UNC79: variants seen among roughly 807,000 people sequenced by gnomAD.
UNC79 encodes the protein protein unc-79 homolog.
UNC79 carries 37 observed loss-of-function variants against 283.1 expected under a neutral mutation model. That is an observed-to-expected ratio of 0.13 (90% CI 0.10 to 0.17). The LOEUF (loss-of-function observed/expected upper bound fraction) is 0.17. Ranked by LOEUF, UNC79 falls within the 10% of genes least tolerant of loss-of-function variation. The pLI is 1.00. For synonymous variants in UNC79, 1,107 were observed against 1,200.2 expected (o/e 0.92, Z 1.61); for missense variants, 2,272 against 3,211.1 (o/e 0.71, Z 7.07).
At chr14:93,683,069 T>C (rs2073964216) in intron 42 of UNC79, among the ~76,000 whole-genome samples, 1 of 152,210 alleles carries the variant, frequency 6.6e-6, no homozygotes, top group African/African-American at 2.4e-5. Context: ...TGTGCTTAAA[T>C]CTTTGTCCAT....
chr14:93,637,220 G>C, exon 32 of UNC79: 2 of 1,213,784 alleles, frequency 1.6e-6, no homozygotes, highest in Non-Finnish European at 2.5e-6. Context: ...CCACAGAACA[G>C]ATACAGCCTG....
chr14:93,643,016 A>G (rs1174659595), intron 33 of UNC79, among the ~76,000 whole-genome samples: 2 of 152,278 alleles, frequency 1.3e-5, no homozygotes, highest in South Asian at 2.1e-4. Flanking sequence ...TGAGTTCATA[A>G]AACTCATCTG....
chr14:93,467,882 T>G, intron 2 of UNC79, 91 bp downstream of exon 2: 1 of 1,367,700 alleles, frequency 7.3e-7, no homozygotes, highest in Non-Finnish European at 9.5e-7. Context: ...ATTGCAAGTT[T>G]TAAAGGGCCT....
chr14:93,706,780 C>T (rs754676065), exon 49 of UNC79: 33 of 1,614,108 alleles, frequency 2.0e-5, no homozygotes, highest in Admixed American at 3.3e-5. Flanking sequence ...AGGACGCTGC[C>T]GGGCTCGGGC....
intron 1 of UNC79, among the ~76,000 whole-genome samples, chr14:93,349,163 T>A (rs942555411): frequency 6.6e-6 from 1 of 152,062 alleles, no homozygotes; most frequent in African/African-American, 2.4e-5. Flanking sequence ...CTTTAACAAC[T>A]GTAACACTCA....
At chr14:93,399,652 G>A (rs943586313) in intron 1 of UNC79, among the ~76,000 whole-genome samples, 7 of 152,244 alleles carry the variant, frequency 4.6e-5, no homozygotes, top group Admixed American at 2.0e-4. Flanking sequence ...TTTGGAGGTT[G>A]CCATCAATAA....
rs147911481 is a variant in UNC79, at chr14:93,494,831, G to T, written c.713-1580G>T. On this transcript the variant is annotated intron_variant, in intron 5 of 48. Transcript: ENST00000555664. ...GCTTTAAAGTATAAACACATTGGTT[G>T]TTTACTTAATAGGAAGTCCTGAAGA... Among the ~76,000 whole-genome samples the T allele has an allele frequency of 3.0e-3, 454 of 152,284 alleles. 4 individuals carry two copies. Among genetic ancestry groups the T allele is most frequent in the African/African-American group, 0.01 (432 of 41,562 alleles).
chr14:93,550,968 G>A (rs1238822670), intron 14 of UNC79, among the ~76,000 whole-genome samples: 1 of 152,162 alleles, frequency 6.6e-6, no homozygotes, highest in African/African-American at 2.4e-5. Context: ...GGCAGACAGT[G>A]GAGGCACAAG....
In UNC79 at chr14:93,703,878, C is replaced by T. The variant is rs77341333; in HGVS notation, c.7549-747C>T. ...TTTGAGGAATGCCATATTCTGTCTC[C>T]GACTTCTGGATGCACAAGGCCATGA... On this transcript the variant is annotated intron_variant, in intron 47 of 48. Coordinates refer to ENST00000555664, the Ensembl canonical transcript of UNC79. Among the ~76,000 whole-genome samples the T allele has an allele frequency of 3.6e-4, 55 of 152,268 alleles. No homozygotes were observed. In the East Asian group the frequency reaches 0.01, roughly 28 times the overall value.
intron 31 of UNC79, among the ~76,000 whole-genome samples, chr14:93,635,469 T>C (rs1302405282): frequency 1.3e-5 from 2 of 152,246 alleles, no homozygotes; most frequent in Admixed American, 1.3e-4. Context: ...TTTAGTATCG[T>C]GATTAATACT....
intron 4 of UNC79, among the ~76,000 whole-genome samples, chr14:93,479,716 C>T (rs996323183): frequency 6.6e-6 from 1 of 152,138 alleles, no homozygotes; most frequent in Non-Finnish European, 1.5e-5. Context: ...CTCACTGCAG[C>T]CTCAAACTCC....
chr14:93,528,759 T>G (rs867871899), intron 9 of UNC79, 113 bp downstream of exon 9: 1 of 980,224 alleles, frequency 1.0e-6, no homozygotes, highest in African/African-American at 1.6e-5. Flanking sequence ...GCCTCTCTGA[T>G]TTTTAAAGGT....
At chr14:93,587,997 C>G (rs1248935638) in intron 22 of UNC79, among the ~76,000 whole-genome samples, 1 of 152,078 alleles carries the variant, frequency 6.6e-6, no homozygotes, top group Non-Finnish European at 1.5e-5. Flanking sequence ...CTGGGAATGT[C>G]AGGAGGAAAC....
chr14:93,347,312 G>A (rs930481309), intron 1 of UNC79: 2 of 1,605,382 alleles, frequency 1.2e-6, no homozygotes, highest in Non-Finnish European at 8.5e-7. Context: ...CGCCACTACC[G>A]CCGCTTGGCC....
chr14:93,618,394 A>G lies in UNC79; in HGVS notation c.4387+40A>G, dbSNP rs751585705. 2.3e-5 allele frequency: 36 copies of G among 1,537,302 alleles called. No individual in the cohort carries two copies. In the South Asian group the frequency reaches 2.5e-4, roughly 11 times the overall value. On this transcript the variant is annotated intron_variant, in intron 29 of 48. Coordinates refer to ENST00000555664, the Ensembl canonical transcript of UNC79. ...TCTATCCCAAACCTAGCTTCAATAC[A>G]TAATAGATTTCTGGACAATGTTTTC...
chr14:93,337,581 G>A (rs1446499775), intron 1 of UNC79, among the ~76,000 whole-genome samples: 1 of 152,220 alleles, frequency 6.6e-6, no homozygotes, highest in Non-Finnish European at 1.5e-5. Context: ...CACCTCACAT[G>A]ATAGGAAGCA....
At chr14:93,506,224 AT>A (rs774515757) in intron 7 of UNC79, among the ~76,000 whole-genome samples, 1,610 of 141,546 alleles carry the variant, frequency 0.011, 22 homozygotes, top group African/African-American at 0.029. Flanking sequence ...ATTGTATACA[AT>A]TTTTTTTTTT....
At chr14:93,446,533 T>C (rs2056466106) in intron 1 of UNC79, among the ~76,000 whole-genome samples, 1 of 152,020 alleles carries the variant, frequency 6.6e-6, no homozygotes, top group Non-Finnish European at 1.5e-5. Context: ...ATAGCTGGGA[T>C]TACAGGCACC....
chr14:93,611,936 C>T (rs1355648381), intron 26 of UNC79, among the ~76,000 whole-genome samples: 2 of 151,894 alleles, frequency 1.3e-5, no homozygotes, highest in Non-Finnish European at 2.9e-5. Context: ...AAGTCCTGAA[C>T]CAAACCTGAT....
Sources: gnomAD v4.1 joint callset for allele counts (sites outside exome capture counted in the v4.1 genomes callset) on GRCh38, gnomAD v4.1.1 for gene constraint, MANE v1.5 for transcripts, NCBI Gene and HGNC (gene_info 2026-07-23, HGNC 2026-07-21) for gene names.